DIP2C: variants seen among roughly 807,000 people sequenced by gnomAD.
DIP2C encodes the protein disco-interacting protein 2 homolog C.
In DIP2C, 33 loss-of-function variants were observed where a neutral mutation model predicts 192.4. That is an observed-to-expected ratio of 0.17 (90% confidence interval 0.13 to 0.23). The LOEUF is 0.23. DIP2C is among the 10% of genes least tolerant of loss of function. DIP2C has a pLI of 1.00. For missense variants in DIP2C, 1,537 were observed against 2,110.1 expected, an observed-to-expected ratio of 0.73 and a Z score of 5.32; for synonymous variants, 979 against 864.1, an observed-to-expected ratio of 1.13 and a Z score of -2.33.
intron 1 of DIP2C, among the ~76,000 whole-genome samples, chr10:505,974 A>C (rs1005328472): frequency 1.3e-5 from 2 of 152,210 alleles, no homozygotes; most frequent in African/African-American, 2.4e-5. Flanking sequence ...AGAAGTAAAG[A>C]AGCTGAGAAA....
chr10:429,903 G>A (rs1360617268), intron 4 of DIP2C, among the ~76,000 whole-genome samples: 3 of 152,136 alleles, frequency 2.0e-5, no homozygotes, highest in African/African-American at 4.8e-5. Context: ...AAATGCCAAG[G>A]AGTGTAATTC....
chr10:652,337 C>T lies in DIP2C; in HGVS notation c.85+37157G>A. 1 of 202,456 alleles carries T rather than the reference C, an allele frequency of 4.9e-6. No homozygotes were observed. Among genetic ancestry groups the T allele is most frequent in the South Asian group, 6.0e-5 (1 of 16,542 alleles). 12.5% of individuals were successfully genotyped at this position (202,456 alleles called of 1,614,324 possible). On this transcript the variant is annotated intron_variant, in intron 1 of 36. Coordinates refer to ENST00000280886, the MANE Select transcript of DIP2C (RefSeq NM_014974.3). This position sits in a 1 kb window ranked among gnomAD's most constrained non-coding sequence, Gnocchi z 4.5. Reference sequence around the variant, plus strand: ...CTCCATCGACAGCAGCCTGGGCTCACCTCCCAGCCCGAGGCTGAGAACTGA... The same window carrying T: ...CTCCATCGACAGCAGCCTGGGCTCATCTCCCAGCCCGAGGCTGAGAACTGA...
At chr10:387,033 G>A (rs541138217) in intron 14 of DIP2C, among the ~76,000 whole-genome samples, 1 of 152,222 alleles carries the variant, frequency 6.6e-6, no homozygotes, top group South Asian at 2.1e-4. Flanking sequence ...GGGCAAATCT[G>A]GAAACTACTT....
rs984251305 is a variant in DIP2C at position 416,248 on chromosome 10, C to A, written c.740-360G>T. ...CCCACTGCCCCAGGCCCCCTCTTCT[C>A]AACAGGGTGAGACCATCCGTGGAGC... On this transcript the variant is annotated intron_variant, in intron 6 of 36. Coordinates refer to ENST00000280886, the MANE Select transcript of DIP2C (RefSeq NM_014974.3). 5.3e-5 allele frequency among the ~76,000 whole-genome samples: 8 copies of A among 152,208 alleles called. No homozygotes were observed. The South Asian group carries it at 1.7e-3, about 32-fold the overall frequency.
chr10:337,967 T>TGTGTGCGC (rs200678724), intron 29 of DIP2C, among the ~76,000 whole-genome samples: 1 of 150,806 alleles, frequency 6.6e-6, no homozygotes, highest in African/African-American at 2.4e-5. Context: ...TGTGTGTGTG[T>TGTGTGCGC]GCGTGTGTGT....
At chr10:612,439 T>G (rs1853160045) in intron 1 of DIP2C, among the ~76,000 whole-genome samples, 1 of 152,182 alleles carries the variant, frequency 6.6e-6, no homozygotes, top group Non-Finnish European at 1.5e-5. Flanking sequence ...GGAAAGAAGT[T>G]CCCCAAGGAT....
intron 1 of DIP2C, among the ~76,000 whole-genome samples, chr10:531,701 G>T (rs1482232865): frequency 6.6e-6 from 1 of 152,088 alleles, no homozygotes; most frequent in Non-Finnish European, 1.5e-5. Context: ...GGGGTGTGGG[G>T]AAATCAGGAT....
chr10:621,428 G>A (rs1021140307), intron 1 of DIP2C, among the ~76,000 whole-genome samples: 2 of 145,722 alleles, frequency 1.4e-5, no homozygotes, highest in Non-Finnish European at 3.0e-5. Flanking sequence ...CTGCCAATAT[G>A]AGCACACAAC....
intron 32 of DIP2C, among the ~76,000 whole-genome samples, chr10:294,451 G>A (rs1318866504): frequency 1.3e-5 from 2 of 151,984 alleles, no homozygotes. Context: ...TACAAAAAAT[G>A]CAAAAATGAG....
intron 29 of DIP2C, among the ~76,000 whole-genome samples, chr10:335,028 G>A (rs1313744320): frequency 6.6e-6 from 1 of 152,102 alleles, no homozygotes; most frequent in Non-Finnish European, 1.5e-5. Flanking sequence ...AGCAATGTGG[G>A]GAGAACTACC....
chr10:278,750 T>G (rs988352025), intron 36 of DIP2C, among the ~76,000 whole-genome samples: 12 of 152,228 alleles, frequency 7.9e-5, no homozygotes, highest in African/African-American at 2.4e-4. Flanking sequence ...TCTGCCCAAC[T>G]GGCAGAAGCA....
chr10:584,112 C>A (rs78148953), intron 1 of DIP2C, among the ~76,000 whole-genome samples: 4,600 of 152,248 alleles, frequency 0.03, 229 homozygotes, highest in African/African-American at 0.1. Flanking sequence ...GAAGTCTCCC[C>A]AGGGCTGAGA....
chr10:318,349 CCA>C, intron 31 of DIP2C, among the ~76,000 whole-genome samples: 1 of 152,310 alleles, frequency 6.6e-6, no homozygotes, highest in Non-Finnish European at 1.5e-5. Flanking sequence ...CCAGTCACAT[CCA>C]TTTACAGCAC....
chr10:599,958 G>A (rs1310618821), intron 1 of DIP2C, among the ~76,000 whole-genome samples: 1 of 152,170 alleles, frequency 6.6e-6, no homozygotes, highest in Non-Finnish European at 1.5e-5. Context: ...GTGTGCAGGA[G>A]GGGGCTTCCA....
chr10:400,519 G>C (rs1328090527), intron 9 of DIP2C, among the ~76,000 whole-genome samples: 1 of 152,148 alleles, frequency 6.6e-6, no homozygotes, highest in Non-Finnish European at 1.5e-5. Flanking sequence ...GACAAGTTTG[G>C]TACATTTTCA....
chr10:651,411 A>G lies in DIP2C; in HGVS notation c.85+38083T>C. 2.9e-6 allele frequency: 2 copies of G among 698,442 alleles called. No individual in the cohort carries two copies. Among genetic ancestry groups the G allele is most frequent in the East Asian group, 5.4e-5 (2 of 37,136 alleles). 43.3% of individuals were successfully genotyped at this position (698,442 alleles called of 1,614,324 possible). A position where few individuals can be genotyped will look rare whatever the true frequency, so the allele number is the denominator to read the frequency against. ...AAACTGTGGAACAACCAAACTCGTGACTGAATGAACAAGTATGTTAAGTCG... is the reference window on the plus strand; with the variant it reads ...AAACTGTGGAACAACCAAACTCGTGGCTGAATGAACAAGTATGTTAAGTCG... On this transcript the variant is annotated intron_variant, in intron 1 of 36. Transcript: ENST00000280886. The surrounding 1 kb of genome is among the most constrained non-coding windows in gnomAD (Gnocchi z 4.1).
intron 1 of DIP2C, among the ~76,000 whole-genome samples, chr10:586,547 C>T (rs1315044460): frequency 6.6e-6 from 1 of 152,216 alleles, no homozygotes; most frequent in Non-Finnish European, 1.5e-5. Context: ...CTCCGGGAGG[C>T]TGTGCTCGGA....
At chr10:555,025 A>G (rs1848769743) in intron 1 of DIP2C, among the ~76,000 whole-genome samples, 1 of 152,196 alleles carries the variant, frequency 6.6e-6, no homozygotes, top group Non-Finnish European at 1.5e-5. Context: ...GACTTCATAT[A>G]CTGACCCCAA....
At chr10:602,639 A>G (rs891495191) in intron 1 of DIP2C, among the ~76,000 whole-genome samples, 1 of 152,134 alleles carries the variant, frequency 6.6e-6, no homozygotes, top group Non-Finnish European at 1.5e-5. Flanking sequence ...CAGCCTCCAG[A>G]GCTGTGAGCT....
Sources: allele counts gnomAD v4.1 joint callset (sites outside exome capture counted in the v4.1 genomes callset), GRCh38; gene constraint gnomAD v4.1.1; non-coding constraint Gnocchi (gnomAD v3.1); transcripts MANE v1.5; gene names NCBI Gene and HGNC (gene_info 2026-07-23, HGNC 2026-07-21).